The following ROBO2 variants were observed in gnomAD, a reference collection of about 807,000 sequenced individuals.
ROBO2 encodes roundabout guidance receptor 2, also known as roundabout homolog 2.
A neutral mutation model predicts 160.8 loss-of-function variants in ROBO2; 53 were observed. That is an observed-to-expected ratio of 0.33 (90% CI 0.26 to 0.41). ROBO2 has a LOEUF of 0.41. ROBO2 is among the 10% of genes least tolerant of loss of function. The pLI is 1.00. For missense variants in ROBO2, 1,577 were observed against 1,722.4 expected (o/e 0.92, Z 1.49); for synonymous variants, 664 against 611.7 (o/e 1.09, Z -1.26).
intron 2 of ROBO2, among the ~76,000 whole-genome samples, chr3:76,553,049 T>A (rs1189967944): frequency 6.6e-6 from 1 of 152,168 alleles, no homozygotes. Context: ...AGACGGCTGA[T>A]GAATTCAATA....
chr3:76,877,957 T>A (rs1288271645), intron 2 of ROBO2, among the ~76,000 whole-genome samples: 2 of 152,198 alleles, frequency 1.3e-5, no homozygotes, highest in African/African-American at 4.8e-5. Flanking sequence ...CATCTTTCTC[T>A]CTTCCTCTTC....
rs537408261 is a variant in ROBO2 at position 76,938,662 on chromosome 3, A to ATCT, written c.110-159352_110-159351insTCT. 7.3e-3 allele frequency among the ~76,000 whole-genome samples: 1,103 copies of ATCT among 151,802 alleles called. 14 individuals are homozygous for ATCT. The highest frequency in any genetic ancestry group is 0.026 in the African/African-American group (1,058 of 41,374). ...TGGATCTATGGAGCTCAATCAGTGG[A>ATCT]CATCTCTGCACAAAAAAGCAGCCCC... On this transcript the variant is annotated intron_variant, in intron 2 of 26. Coordinates refer to the ROBO2 transcript ENST00000487694.
At chr3:77,171,763 A>G (rs553122670) in intron 2 of ROBO2, among the ~76,000 whole-genome samples, 3 of 152,348 alleles carry the variant, frequency 2.0e-5, no homozygotes, top group African/African-American at 4.8e-5. Context: ...CAGATTTTCT[A>G]TAAAGATTCT....
chr3:76,045,177 C>T (rs1476041435), intron 2 of ROBO2, among the ~76,000 whole-genome samples: 2 of 151,986 alleles, frequency 1.3e-5, no homozygotes, highest in Admixed American at 6.5e-5. Flanking sequence ...ATAGTGCCCC[C>T]GTGTGGCACA....
intron 2 of ROBO2, among the ~76,000 whole-genome samples, chr3:76,382,813 A>G (rs927733355): frequency 6.6e-6 from 1 of 152,228 alleles, no homozygotes; most frequent in African/African-American, 2.4e-5. Context: ...TGTAGATGTT[A>G]CATGACTGAA....
At chr3:76,005,728 A>C (rs900018005) in intron 2 of ROBO2, among the ~76,000 whole-genome samples, 3 of 152,298 alleles carry the variant, frequency 2.0e-5, no homozygotes, top group African/African-American at 7.2e-5. Context: ...GAACAATATA[A>C]CACACACTAC....
At chr3:77,211,324 T>C (rs1048932143) in intron 2 of ROBO2, among the ~76,000 whole-genome samples, 1 of 152,234 alleles carries the variant, frequency 6.6e-6, no homozygotes, top group African/African-American at 2.4e-5. Flanking sequence ...TTGCTTTGCA[T>C]TTCTGTGATG....
chr3:77,548,129 T>TCACATA (rs779478901), intron 7 of ROBO2, among the ~76,000 whole-genome samples: 43 of 148,364 alleles, frequency 2.9e-4, no homozygotes, highest in Non-Finnish European at 4.3e-4. Flanking sequence ...CACACACCAC[T>TCACATA]CACATACACA....
chr3:76,162,936 G>A (rs1416271123), intron 2 of ROBO2, among the ~76,000 whole-genome samples: 1 of 151,846 alleles, frequency 6.6e-6, no homozygotes, highest in Non-Finnish European at 1.5e-5. Flanking sequence ...AAAAATGCTT[G>A]CCTATTTTTA....
intron 1 of ROBO2, among the ~76,000 whole-genome samples, chr3:75,912,160 T>A (rs1194693418): frequency 6.6e-6 from 1 of 152,162 alleles, no homozygotes. Context: ...TTATAACTTT[T>A]GCTGTACTCA....
At chr3:76,672,364 A>G (rs1485536464) in intron 2 of ROBO2, among the ~76,000 whole-genome samples, 1 of 152,182 alleles carries the variant, frequency 6.6e-6, no homozygotes, top group Non-Finnish European at 1.5e-5. Context: ...GCTATAAGTC[A>G]TACTAGACAA....
chr3:77,154,174 C>A (rs1032213044), intron 2 of ROBO2, among the ~76,000 whole-genome samples: 1 of 151,998 alleles, frequency 6.6e-6, no homozygotes, highest in Non-Finnish European at 1.5e-5. Flanking sequence ...TCCCCTAATG[C>A]ACTTCCACTT....
In ROBO2 at chr3:77,517,080, G is replaced by T. The variant is rs532147736; in HGVS notation, c.807-5695G>T. ...GAAGACAAGAAATAAGGAAACAAAA[G>T]ATGTGGTAAAGATATGTGCTTTGAA... is the stretch of plus-strand genomic sequence containing the variant. On this transcript the variant is annotated intron_variant, in intron 5 of 25. Transcript: ENST00000461745. 3.3e-5 allele frequency among the ~76,000 whole-genome samples: 5 copies of T among 151,722 alleles called. No homozygotes were observed. The South Asian group carries it at 1.0e-3, about 31-fold the overall frequency.
At chr3:76,327,719 G>A (rs1425985571) in intron 2 of ROBO2, among the ~76,000 whole-genome samples, 1 of 152,182 alleles carries the variant, frequency 6.6e-6, no homozygotes, top group Non-Finnish European at 1.5e-5. Context: ...TGATGTGAAT[G>A]TTAAGAAAAA....
chr3:77,196,598 T>G (rs1007083303), intron 2 of ROBO2, among the ~76,000 whole-genome samples: 1 of 152,140 alleles, frequency 6.6e-6, no homozygotes, highest in Non-Finnish European at 1.5e-5. Flanking sequence ...CAGAATATAC[T>G]TAAATACATT....
At chr3:76,787,449 T>A (rs369539327) in intron 2 of ROBO2, among the ~76,000 whole-genome samples, 4 of 151,224 alleles carry the variant, frequency 2.6e-5, no homozygotes, top group African/African-American at 9.7e-5. Context: ...TTAGTATTAC[T>A]TATTCTCACT....
chr3:76,543,069 T>G (rs1358875115), intron 2 of ROBO2, among the ~76,000 whole-genome samples: 6 of 152,172 alleles, frequency 3.9e-5, no homozygotes, highest in Non-Finnish European at 8.8e-5. Context: ...ACTTCTTACT[T>G]CATGTTCTAA....
chr3:77,126,487 ATTTTTAGTTG>A (rs937413695), intron 2 of ROBO2, among the ~76,000 whole-genome samples: 2 of 152,070 alleles, frequency 1.3e-5, no homozygotes, highest in Non-Finnish European at 2.9e-5. Flanking sequence ...TTTAGTTCAT[ATTTTTAGTTG>A]TTTTCTTCTT....
chr3:76,101,458 G>C (rs2069678464), intron 2 of ROBO2, among the ~76,000 whole-genome samples: 1 of 152,128 alleles, frequency 6.6e-6, no homozygotes, highest in Non-Finnish European at 1.5e-5. Context: ...CAGAACTCAG[G>C]AGAGGTCTAA....
Sources: allele counts gnomAD v4.1 joint callset (sites outside exome capture counted in the v4.1 genomes callset), GRCh38; gene constraint gnomAD v4.1.1; transcripts MANE v1.5; gene names NCBI Gene and HGNC (gene_info 2026-07-23, HGNC 2026-07-21).